The following EIF5B variants were observed in gnomAD, a reference collection of about 807,000 sequenced individuals.
EIF5B encodes eIF-5B.
EIF5B carries 47 observed loss-of-function variants against 147.5 expected under a neutral mutation model. The observed-to-expected ratio is 0.32, with a 90% CI of 0.25 to 0.41. The LOEUF is 0.41. Among genes scored for constraint, EIF5B ranks in the 10% least tolerant of loss-of-function variants. EIF5B has a pLI of 1.00. For synonymous variants in EIF5B, 455 were observed against 456.2 expected (o/e 1.00, Z 0.03); for missense variants, 1,064 against 1,413.2 (o/e 0.75, Z 3.96).
Position 99,371,671 on chromosome 2 carries a change from C to G in EIF5B, c.1493C>G (p.Thr498Ser), listed in dbSNP as rs372481259. Residue 498 changes from threonine (T) to serine (S), a missense_variant, in exon 9 of 24, where the codon ACT (threonine) becomes AGT (serine). This residue lies in a region of EIF5B where 195 missense variants were observed against 186.3 expected (regional missense o/e 1.05). Coordinates refer to ENST00000289371, the MANE Select transcript of EIF5B (RefSeq NM_015904.4). ...TTACTTACAGAAGAAGAAGAAGATA[C>G]TGAGGATGCTGGATTGGATGATTGG... ...PPVEPEEEED[T>S]EDAGLDDWEA... The G allele has an allele frequency of 9.3e-6, 15 of 1,612,206 alleles. No individual in the cohort carries two copies. In the African/African-American group the frequency reaches 1.7e-4, roughly 19 times the overall value.
intron 22 of EIF5B, chr2:99,398,009 A>C (rs571120314): frequency 7.2e-5 from 11 of 151,838 alleles, no homozygotes; most frequent in African/African-American, 2.2e-4. Context: ...TAGGAGCTCA[A>C]CTGGCTCCTG....
At chr2:99,370,921 T>C (rs573694728) in intron 8 of EIF5B, among the ~76,000 whole-genome samples, 193 of 152,310 alleles carry the variant, frequency 1.3e-3, no homozygotes, top group Non-Finnish European at 2.3e-3. Flanking sequence ...TTTAAGTATA[T>C]TTAAATACCT....
At position 99,394,894 on chromosome 2, in the gene EIF5B, G is replaced by A. The variant is rs1386493019; in HGVS notation, c.3254+11G>A. 1.3e-6 allele frequency: 2 copies of A among 1,555,640 alleles called. No homozygotes were observed. The highest frequency in any genetic ancestry group is 1.7e-6 in the Non-Finnish European group (2 of 1,146,804). On this transcript the variant is annotated intron_variant, in intron 21 of 23. Coordinates refer to ENST00000289371, the MANE Select transcript of EIF5B (RefSeq NM_015904.4). ...ACAAGAAGAATTTAAGTAAGTTACT[G>A]TTTTTATTTACTTTGAGTCTTTGTT...
rs138694732 is a variant in EIF5B, at chr2:99,337,496, C to G, written c.-59C>G. Reference sequence around the variant, plus strand: ...GCGGAGACCAAAGTCAGCCGGGAGACAGTGGGTCTGTGAGAGACCGAATAG... The same window carrying G: ...GCGGAGACCAAAGTCAGCCGGGAGAGAGTGGGTCTGTGAGAGACCGAATAG... On this transcript the variant is annotated 5_prime_UTR_variant, in exon 1 of 24. Transcript: ENST00000289371. 5.8e-4 allele frequency: 930 copies of G among 1,590,764 alleles called. 6 individuals carry two copies. The African/African-American group carries it at 0.011, about 19-fold the overall frequency.
intron 1 of EIF5B, among the ~76,000 whole-genome samples, chr2:99,359,086 G>A (rs1254145490): frequency 6.6e-6 from 1 of 151,980 alleles, no homozygotes; most frequent in Non-Finnish European, 1.5e-5. Context: ...ACTGAGACCG[G>A]GAGCAGTGGC....
chr2:99,375,537 AG>A (rs1402781422), intron 9 of EIF5B, among the ~76,000 whole-genome samples: 2 of 152,160 alleles, frequency 1.3e-5, no homozygotes, highest in East Asian at 3.8e-4. Context: ...GTATTTTGGT[AG>A]GTCTGGACTC....
chr2:99,385,472 A>G (rs570696527), intron 14 of EIF5B, among the ~76,000 whole-genome samples: 2 of 152,362 alleles, frequency 1.3e-5, no homozygotes, highest in South Asian at 2.1e-4. Context: ...AGTAGCCATC[A>G]ACATCGAGGC....
intron 17 of EIF5B, among the ~76,000 whole-genome samples, chr2:99,392,406 A>G (rs1246015325): frequency 6.6e-6 from 1 of 152,192 alleles, no homozygotes; most frequent in Non-Finnish European, 1.5e-5. Flanking sequence ...TGTTTGTGCC[A>G]GTTTCCCAGG....
At chr2:99,399,039 C>T in intron 23 of EIF5B, 130 bp downstream of exon 23, 1 of 1,115,788 alleles carries the variant, frequency 9.0e-7, no homozygotes, top group Admixed American at 2.7e-5. Context: ...CCCATTAGGG[C>T]TTGACCTCTA....
chr2:99,375,543 G>A (rs1482717477), intron 9 of EIF5B, among the ~76,000 whole-genome samples: 1 of 152,146 alleles, frequency 6.6e-6, no homozygotes, highest in Non-Finnish European at 1.5e-5. Flanking sequence ...TGGTAGGTCT[G>A]GACTCCCAAT....
At chr2:99,398,710 T>A in intron 22 of EIF5B, 38 bp from the exon 23 acceptor site, 1 of 1,577,760 alleles carries the variant, frequency 6.3e-7, no homozygotes, top group South Asian at 1.2e-5. Context: ...TTGGCATGAA[T>A]TCTTCTGCAT....
chr2:99,387,134 C>T (rs1333747775), intron 14 of EIF5B, among the ~76,000 whole-genome samples: 1 of 152,162 alleles, frequency 6.6e-6, no homozygotes, highest in Non-Finnish European at 1.5e-5. Context: ...TCTTGAGCTC[C>T]TGACATCAAG....
intron 1 of EIF5B, among the ~76,000 whole-genome samples, chr2:99,344,736 C>T (rs943238121): frequency 5.3e-5 from 8 of 152,178 alleles, no homozygotes; most frequent in South Asian, 2.1e-4. Flanking sequence ...TGCATCCAGC[C>T]GGCACCACAG....
intron 1 of EIF5B, among the ~76,000 whole-genome samples, chr2:99,352,934 C>T (rs1674005302): frequency 6.6e-6 from 1 of 150,710 alleles, no homozygotes; most frequent in Non-Finnish European, 1.5e-5. Flanking sequence ...TCAATCCTCT[C>T]ACCCTAGCCA....
intron 12 of EIF5B, among the ~76,000 whole-genome samples, chr2:99,381,420 A>T (rs1425447927): frequency 6.6e-6 from 1 of 152,076 alleles, no homozygotes; most frequent in East Asian, 1.9e-4. Flanking sequence ...GAAATGTTTT[A>T]CGTTGCATTA....
At chr2:99,353,590 G>A (rs1031048138) in intron 1 of EIF5B, among the ~76,000 whole-genome samples, 1 of 151,800 alleles carries the variant, frequency 6.6e-6, no homozygotes, top group African/African-American at 2.4e-5. Flanking sequence ...GTGTAGGTCT[G>A]TATATCCATT....
At position 99,400,472 on chromosome 2, in the gene EIF5B, G is replaced by A. The variant is rs1415153765; in HGVS notation, c.*1058G>A. The A allele has an allele frequency of 1.3e-5, 2 of 152,092 alleles. No individual in the cohort carries two copies. Among genetic ancestry groups the A allele is most frequent in the South Asian group, 4.1e-4 (2 of 4,834 alleles). The allele number at this position is 152,092 out of a possible 1,614,324, so 9.4% of individuals were successfully genotyped here. On this transcript the variant is annotated 3_prime_UTR_variant, in exon 24 of 24. Coordinates refer to ENST00000289371, the MANE Select transcript of EIF5B (RefSeq NM_015904.4). ...AGGAAAAAGTTCCAAATATCCACTA[G>A]CATAGAATTTTAAACTATTTTTATT...
chr2:99,360,143 A>T, intron 1 of EIF5B, 93 bp from the exon 2 acceptor site: 3 of 1,409,782 alleles, frequency 2.1e-6, no homozygotes, highest in Non-Finnish European at 2.8e-6. Flanking sequence ...TGTGCTGCTA[A>T]TGCATGAAAA....
Position 99,364,324 on chromosome 2 carries a change from A to G in EIF5B, c.1191A>G (p.Arg397=), listed in dbSNP as rs1674282221. 1 of 1,609,758 alleles carries G rather than the reference A, an allele frequency of 6.2e-7. No individual in the cohort carries two copies. The highest frequency in any genetic ancestry group is 1.7e-4 in the Middle Eastern group (1 of 6,034). ...GGAAAAAGCAAAAAGAAAAAGAAAG[A>G]AAAGAACGCTTGAAAAAAGAAGGGA... ...RERKKQKEKE[R]KERLKKEGKL... is the part of the protein sequence containing the mutation. The change falls in exon 6 of 24, where the codon AGA becomes AGG. Residue 397 remains arginine (R), a synonymous_variant. Transcript: ENST00000289371.
Sources: gnomAD v4.1 joint callset for allele counts (sites outside exome capture counted in the v4.1 genomes callset) on GRCh38, gnomAD v4.1.1 for gene constraint, gnomAD v4.1.1 regional missense constraint, MANE v1.5 for transcripts, NCBI Gene and HGNC (gene_info 2026-07-23, HGNC 2026-07-21) for gene names.